The following MYH2 variants were observed in gnomAD, a reference collection of about 807,000 sequenced individuals.
MYH2 encodes the protein myosin-2.
A neutral mutation model predicts 228.1 loss-of-function variants in MYH2; 139 were observed. The ratio of observed to expected loss-of-function variants is 0.61; its 90% confidence interval spans 0.53 to 0.70. The LOEUF (loss-of-function observed/expected upper bound fraction) is 0.70. Ranked by LOEUF, MYH2 falls within the 30% of genes least tolerant of loss-of-function variation. The pLI is 0.00. For synonymous variants in MYH2, 796 were observed against 871.1 expected, an observed-to-expected ratio of 0.91 and a Z score of 1.52; for missense variants, 1,809 against 2,357.5, an observed-to-expected ratio of 0.77 and a Z score of 4.82.
chr17:10,531,561 A>T (rs1396721783), intron 22 of MYH2, 72 bp downstream of exon 22: 2 of 1,600,662 alleles, frequency 1.2e-6, no homozygotes, highest in African/African-American at 2.7e-5. Context: ...TACCCAACTC[A>T]TGGCCCACAA....
At chr17:10,539,834 G>A in intron 12 of MYH2, 94 bp downstream of exon 12, 7 of 1,552,524 alleles carry the variant, frequency 4.5e-6, no homozygotes, top group Non-Finnish European at 6.2e-6. Flanking sequence ...ATTCTTAAAA[G>A]TGAATTTACC....
chr17:10,542,273 C>CAACAAACAAACAAACAAACA (rs71365774), intron 10 of MYH2, among the ~76,000 whole-genome samples: 3 of 150,916 alleles, frequency 2.0e-5, no homozygotes, highest in Admixed American at 6.6e-5. Context: ...GACTCCATCT[C>CAACAAACAAACAAACAAACA]AACAAACAAA....
In MYH2 at chr17:10,528,860, C is replaced by T. The variant is rs780122233; in HGVS notation, c.3574G>A (p.Glu1192Lys). ...TTCCTCAGGGTGGCCGCTGTGGCTT[C>T]ATGCTGTAGGGTGGCCTCCTCCAGG... ...RDLEEATLQHEATAATLRKKH... is the reference protein window; with the variant it reads ...RDLEEATLQHKATAATLRKKH... The change falls in exon 27 of 40, where the codon GAA (glutamate) becomes AAA (lysine). Residue 1192 changes from glutamate to lysine, a missense_variant. Physicochemically the swap from Glu to Lys is moderately conservative, Grantham distance 56. Transcript: ENST00000245503. The T allele has an allele frequency of 1.1e-5, 17 of 1,614,128 alleles. No individual in the cohort carries two copies. In the Admixed American group the frequency reaches 2.0e-4, roughly 19 times the overall value.
rs952092971 is a variant in MYH2, at chr17:10,539,860, C to T, written c.1147+68G>A. 34 of 1,604,210 alleles carry T rather than the reference C, an allele frequency of 2.1e-5. No homozygotes were observed. The African/African-American group carries it at 3.8e-4, about 18-fold the overall frequency. Reference sequence around the variant, plus strand: ...TGAATTTACCTTCCCTAGGAAAATTCCTGGGTAACAAGTTAAGAATGTGAT... The same window carrying T: ...TGAATTTACCTTCCCTAGGAAAATTTCTGGGTAACAAGTTAAGAATGTGAT... On this transcript the variant is annotated intron_variant, in intron 12 of 39. Coordinates refer to ENST00000245503, the MANE Select transcript of MYH2 (RefSeq NM_017534.6).
chr17:10,547,347 T>C, intron 4 of MYH2, 128 bp downstream of exon 4: 2 of 1,252,534 alleles, frequency 1.6e-6, no homozygotes, highest in Non-Finnish European at 2.3e-6. Flanking sequence ...CATGAAGCCT[T>C]TTAACTAGTT....
At chr17:10,534,995 G>A in intron 19 of MYH2, 78 bp downstream of exon 19, 1 of 1,480,340 alleles carries the variant, frequency 6.8e-7, no homozygotes. Flanking sequence ...AGAGGCATAT[G>A]TTTCACTAAA....
intron 8 of MYH2, 134 bp from the exon 9 acceptor site, chr17:10,543,295 A>G (rs2073582145): frequency 1.5e-6 from 1 of 688,770 alleles, no homozygotes; most frequent in Non-Finnish European, 2.4e-6. Context: ...AAAAAGGTGT[A>G]TCTCCTATTT....
chr17:10,535,244 T>C, intron 18 of MYH2, 34 bp downstream of exon 18: 1 of 1,613,496 alleles, frequency 6.2e-7, no homozygotes, highest in Non-Finnish European at 8.5e-7. Flanking sequence ...GGTGTGGCAG[T>C]CATCCTTTGC....
At chr17:10,538,271 G>T (rs967301975) in intron 14 of MYH2, among the ~76,000 whole-genome samples, 14 of 149,388 alleles carry the variant, frequency 9.4e-5, no homozygotes, top group African/African-American at 3.2e-4. Flanking sequence ...CATGGCAAGT[G>T]AACAATAATT....
intron 6 of MYH2, 23 bp from the exon 7 acceptor site, chr17:10,544,039 G>T: frequency 6.2e-7 from 1 of 1,614,174 alleles, no homozygotes; most frequent in South Asian, 1.1e-5. Flanking sequence ...AACTCAATCA[G>T]ATGTGGTCTC....
At chr17:10,527,942 A>T in intron 27 of MYH2, 68 bp from the exon 28 acceptor site, 1 of 1,552,116 alleles carries the variant, frequency 6.4e-7, no homozygotes, top group Non-Finnish European at 8.8e-7. Flanking sequence ...CTTTGCAGTT[A>T]CTGTAACTTC....
Position 10,525,885 on chromosome 17 carries a change from TTA to T in MYH2, c.4188-11_4188-10del. 2.5e-6 allele frequency: 4 copies of T among 1,613,710 alleles called. No individual in the cohort carries two copies. The highest frequency in any genetic ancestry group is 3.4e-6 in the Non-Finnish European group (4 of 1,179,670). ...GCTGGGCCAGCTTCTTCCTTGAATA[TTA>T]TACATGTTTTCAGAGAGAAGTGAAC... is the stretch of plus-strand genomic sequence containing the variant. On this transcript the variant is annotated splice_polypyrimidine_tract_variant and intron_variant, in intron 30 of 39. Coordinates refer to ENST00000245503, the MANE Select transcript of MYH2 (RefSeq NM_017534.6). This position sits in a 1 kb window ranked among gnomAD's most constrained non-coding sequence, Gnocchi z 4.2.
At chr17:10,526,555 A>C (rs766720489) in intron 30 of MYH2, 44 bp downstream of exon 30, 1 of 1,612,000 alleles carries the variant, frequency 6.2e-7, no homozygotes, top group Non-Finnish European at 8.5e-7. Flanking sequence ...TTCTGATTCA[A>C]TATGCAAAGT....
chr17:10,535,036 T>C, intron 19 of MYH2, 37 bp downstream of exon 19: 2 of 1,603,366 alleles, frequency 1.2e-6, no homozygotes, highest in South Asian at 1.1e-5. Flanking sequence ...TTGTTCATAT[T>C]AAACTTCAGA....
At chr17:10,533,066 A>G (rs1313706484) in intron 21 of MYH2, among the ~76,000 whole-genome samples, 1 of 152,192 alleles carries the variant, frequency 6.6e-6, no homozygotes, top group Non-Finnish European at 1.5e-5. Context: ...ATTAGATAAG[A>G]AGTACACACT....
At position 10,525,840 on chromosome 17, in the gene MYH2, T is replaced by C; in HGVS notation, c.4224A>G (p.Glu1408=). ...ATTTGGCGTTCACAGCTTCTACATG[T>C]TCCTCAGCTGCCTGCAGCCGCTGGG... ...KLAQRLQAAE[E]HVEAVNAKCA... The change falls in exon 31 of 40, where the codon GAA becomes GAG. Residue 1408 remains glutamate (E), a synonymous_variant. Transcript: ENST00000245503. The surrounding 1 kb of genome is among the most constrained non-coding windows in gnomAD (Gnocchi z 4.2). 1.2e-6 allele frequency: 2 copies of C among 1,614,134 alleles called. No individual in the cohort carries two copies. The highest frequency in any genetic ancestry group is 1.3e-5 in the African/African-American group (1 of 75,032).
At chr17:10,548,634 C>CTTAA (rs1346174222) in intron 2 of MYH2, among the ~76,000 whole-genome samples, 1 of 152,124 alleles carries the variant, frequency 6.6e-6, no homozygotes, top group Non-Finnish European at 1.5e-5. Flanking sequence ...GTTTAACCCC[C>CTTAA]TTAAACTAAT....
chr17:10,532,784 A>G (rs2073439857), intron 21 of MYH2, among the ~76,000 whole-genome samples: 1 of 152,196 alleles, frequency 6.6e-6, no homozygotes, highest in African/African-American at 2.4e-5. Context: ...AGATCACCAA[A>G]TAGCTACATT....
Position 10,537,386 on chromosome 17 carries a change from G to C in MYH2, c.1744C>G (p.Leu582Val). ...VKGKAEAHFALIHYAGVVDYN... is the reference protein window; with the variant it reads ...VKGKAEAHFAVIHYAGVVDYN... Reference sequence around the variant, plus strand: ...TCCACAACACCAGCATAGTGAATCAGAGCGAAGTGGGCCTCGGCCTTGCCT... The same window carrying C: ...TCCACAACACCAGCATAGTGAATCACAGCGAAGTGGGCCTCGGCCTTGCCT... Residue 582 changes from leucine (L) to valine (V), a missense_variant, in exon 16 of 40, where the codon CTG becomes GTG. Leu to Val is a conservative substitution (Grantham distance 32, BLOSUM62 1). Coordinates refer to ENST00000245503, the MANE Select transcript of MYH2 (RefSeq NM_017534.6). This position sits in a 1 kb window ranked among gnomAD's most constrained non-coding sequence, Gnocchi z 4.0. 1.2e-6 allele frequency: 2 copies of C among 1,614,212 alleles called. No individual in the cohort carries two copies. Among genetic ancestry groups the C allele is most frequent in the South Asian group, 2.2e-5 (2 of 91,090 alleles).
Sources: gnomAD v4.1 joint callset for allele counts (sites outside exome capture counted in the v4.1 genomes callset) on GRCh38, gnomAD v4.1.1 for gene constraint, Gnocchi (gnomAD v3.1) non-coding constraint, MANE v1.5 for transcripts, NCBI Gene and HGNC (gene_info 2026-07-23, HGNC 2026-07-21) for gene names.